Variants in SYMPK observed in about 807,000 individuals in gnomAD.
SYMPK encodes the protein symplekin.
SYMPK carries 49 observed loss-of-function variants against 136.4 expected under a neutral mutation model. The ratio of observed to expected loss-of-function variants is 0.36; its 90% confidence interval spans 0.29 to 0.46. SYMPK has a LOEUF of 0.46. SYMPK is among the 20% of genes least tolerant of loss of function. SYMPK has a pLI of 1.00. For synonymous variants in SYMPK, 766 were observed against 713.0 expected, an observed-to-expected ratio of 1.07 and a Z score of -1.19; for missense variants, 1,365 against 1,690.0, an observed-to-expected ratio of 0.81 and a Z score of 3.37.
At chr19:45,856,536 C>T (rs76793172) in intron 1 of SYMPK, among the ~76,000 whole-genome samples, 12,137 of 152,164 alleles carry the variant, frequency 0.08, 560 homozygotes, top group Non-Finnish European at 0.099. Flanking sequence ...AGTAACAGGG[C>T]TTACCTCCCA....
At position 45,815,501 on chromosome 19, in the gene SYMPK, C is replaced by T; in HGVS notation, c.*59G>A. The T allele has an allele frequency of 5.8e-6, 6 of 1,034,282 alleles. No individual in the cohort carries two copies. Among genetic ancestry groups the T allele is most frequent in the Non-Finnish European group, 8.0e-6 (6 of 752,188 alleles). The allele number at this position is 1,034,282 out of a possible 1,614,324, so 64.1% of individuals were successfully genotyped here. On this transcript the variant is annotated 3_prime_UTR_variant, in exon 27 of 27. Coordinates refer to ENST00000245934, the MANE Select transcript of SYMPK (RefSeq NM_004819.3). The stretch of plus-strand genomic sequence containing the variant: ...TAAGGCAAAGCACCCGCAGGTCAAG[C>T]CCCGCCCCGTCCCCCAGCCCCGAGT...
intron 10 of SYMPK, among the ~76,000 whole-genome samples, chr19:45,836,117 T>C (rs1257241347): frequency 6.6e-6 from 1 of 151,664 alleles, no homozygotes; most frequent in Non-Finnish European, 1.5e-5. Flanking sequence ...AATCTCACTC[T>C]GTCCCCCAGG....
At chr19:45,846,413 T>C (rs1343858888) in intron 7 of SYMPK, among the ~76,000 whole-genome samples, 5 of 152,208 alleles carry the variant, frequency 3.3e-5, no homozygotes, top group Non-Finnish European at 7.3e-5. Context: ...ATAGTTAATA[T>C]TTATGGAATG....
intron 3 of SYMPK, among the ~76,000 whole-genome samples, chr19:45,853,314 A>G (rs949355484): frequency 6.6e-6 from 1 of 152,110 alleles, no homozygotes; most frequent in Non-Finnish European, 1.5e-5. Context: ...CTGCCTTTGC[A>G]CACACTTCTG....
In SYMPK at chr19:45,830,207, G is replaced by A. The variant is rs1203721278; in HGVS notation, c.1599-3C>T. ...TGCGCCCACCAGCGCCTGCCAGCCT[G>A]TGTGGAAGAGCAGTGACAGAGATGC... On this transcript the variant is annotated splice_region_variant and splice_polypyrimidine_tract_variant and intron_variant, in intron 12 of 26. Transcript: ENST00000245934. 4 of 1,609,088 alleles carry A rather than the reference G, an allele frequency of 2.5e-6. No homozygotes were observed. Among genetic ancestry groups the A allele is most frequent in the Non-Finnish European group, 3.4e-6 (4 of 1,177,094 alleles).
intron 13 of SYMPK, among the ~76,000 whole-genome samples, chr19:45,829,757 C>T (rs917464281): frequency 5.3e-5 from 8 of 152,318 alleles, no homozygotes; most frequent in South Asian, 4.1e-4. Context: ...CGTTAACAAC[C>T]GTGAAGAACC....
intron 3 of SYMPK, 147 bp from the exon 4 acceptor site, chr19:45,852,682 A>G: frequency 1.0e-6 from 1 of 980,242 alleles, no homozygotes; most frequent in Non-Finnish European, 1.6e-6. Context: ...CTCCCTACCA[A>G]GGGTGCTATG....
At chr19:45,817,138 T>G in intron 23 of SYMPK, 164 bp from the exon 24 acceptor site, 1 of 665,072 alleles carries the variant, frequency 1.5e-6, no homozygotes. Flanking sequence ...GGCCTTTGTC[T>G]TCCCGATCCA....
rs1444571121 is a variant in SYMPK at position 45,838,450 on chromosome 19, C to T, written c.1242+11G>A. The T allele has an allele frequency of 3.1e-6, 5 of 1,610,530 alleles. No homozygotes were observed. The South Asian group carries it at 5.5e-5, about 18-fold the overall frequency. ...CTGCCCAGGGGGAAAACGCTCCCCACCCATCCTCACCAGATTAGCCACATT... is the reference window on the plus strand; with the variant it reads ...CTGCCCAGGGGGAAAACGCTCCCCATCCATCCTCACCAGATTAGCCACATT... On this transcript the variant is annotated intron_variant, in intron 10 of 26. Transcript: ENST00000245934.
rs568435242 is a variant in SYMPK at position 45,848,709 on chromosome 19, A to G, written c.426+41T>C. The G allele has an allele frequency of 1.5e-5, 24 of 1,611,356 alleles. No homozygotes were observed. In the Admixed American group the frequency reaches 1.5e-4, roughly 10 times the overall value. On this transcript the variant is annotated intron_variant, in intron 6 of 26. Transcript: ENST00000245934. The stretch of plus-strand genomic sequence containing the variant: ...CAACATATTAGTTTGTCAACGAGAC[A>G]TATCAGGCAGGATGGCCCTGGGTGG...
At chr19:45,818,241 AGACTTCTAAAGCCCT>A (rs941406360) in intron 22 of SYMPK, 95 bp from the exon 23 acceptor site, 23 of 1,295,814 alleles carry the variant, frequency 1.8e-5, no homozygotes, top group East Asian at 5.3e-5. Context: ...TGTGAGGGGA[AGACTTCTAAAGCCCT>A]GACTTCTAAA....
At chr19:45,828,722 G>A (rs1019214362) in intron 14 of SYMPK, 17 of 552,302 alleles carry the variant, frequency 3.1e-5, no homozygotes, top group Admixed American at 1.6e-4. Context: ...ACAAAGCCAC[G>A]CAGAGCAAGC....
At chr19:45,829,279 T>C (rs1399020865) in intron 13 of SYMPK, 74 bp from the exon 14 acceptor site, 1 of 1,302,938 alleles carries the variant, frequency 7.7e-7, no homozygotes, top group Non-Finnish European at 1.1e-6. Context: ...CCCTGCGACT[T>C]CTCCCACCCA....
chr19:45,857,409 CAAAAAAAAAAAA>C (rs1161033225), intron 1 of SYMPK, among the ~76,000 whole-genome samples: 3 of 43,444 alleles, frequency 6.9e-5, no homozygotes, highest in African/African-American at 9.0e-5. Context: ...GACTCTGTCT[CAAAAAAAAAAAA>C]AAAAAAAAAA....
chr19:45,858,640 C>T (rs563372520), intron 1 of SYMPK, among the ~76,000 whole-genome samples: 5 of 152,250 alleles, frequency 3.3e-5, no homozygotes, highest in Non-Finnish European at 5.9e-5. Flanking sequence ...CTCAGCCTCC[C>T]TAGTAGCTGG....
rs1443634228 is a variant in SYMPK at position 45,852,320 on chromosome 19, C to A, written c.291G>T (p.Glu97Asp). ...EVRKFVIGFI[E>D]EACKRDIELL... ...CGTGCCTCGCCCCATACCATGCCTC[C>A]TCGATGAAGCCGATGACAAATTTTC... Residue 97 changes from glutamate (E) to aspartate (D), a missense_variant, in exon 5 of 27, where the codon GAG (glutamate) becomes GAT (aspartate). Around this residue, in one of 11 missense-constraint regions of SYMPK, gnomAD observed 237 missense variants for 292.9 expected, o/e 0.81. Coordinates refer to ENST00000245934, the MANE Select transcript of SYMPK (RefSeq NM_004819.3). 6.2e-7 allele frequency: 1 copy of A among 1,614,258 alleles called. No homozygotes were observed. The highest frequency in any genetic ancestry group is 1.1e-5 in the South Asian group (1 of 91,090).
At position 45,835,178 on chromosome 19, in the gene SYMPK, C is replaced by T; in HGVS notation, c.1293G>A (p.Gln431=). The T allele has an allele frequency of 6.2e-7, 1 of 1,612,070 alleles. No homozygotes were observed. Among genetic ancestry groups the T allele is most frequent in the Non-Finnish European group, 8.5e-7 (1 of 1,178,988 alleles). ...YLPEAMPASF[Q]AIYTPVESAG... ...CTGACTCCACGGGGGTGTAGATGGCCTGGAAGGAGGCTGGCATGGCCTCGG... is the reference window on the plus strand; with the variant it reads ...CTGACTCCACGGGGGTGTAGATGGCTTGGAAGGAGGCTGGCATGGCCTCGG... The change falls in exon 11 of 27, where the codon CAG becomes CAA. Residue 431 remains glutamine (Q), a synonymous_variant. Transcript: ENST00000245934.
At chr19:45,840,339 A>G (rs1187954300) in intron 9 of SYMPK, among the ~76,000 whole-genome samples, 4 of 141,626 alleles carry the variant, frequency 2.8e-5, no homozygotes, top group Non-Finnish European at 6.1e-5. Context: ...AAAAAAAAAG[A>G]CAAATTTGGT....
chr19:45,852,722 G>A (rs1971726826), intron 3 of SYMPK, among the ~76,000 whole-genome samples, 187 bp from the exon 4 acceptor site: 1 of 152,090 alleles, frequency 6.6e-6, no homozygotes, highest in Non-Finnish European at 1.5e-5. Context: ...ACCTCAGTTT[G>A]CTCTTCTATA....
Sources: gnomAD v4.1 joint callset for allele counts (sites outside exome capture counted in the v4.1 genomes callset) on GRCh38, gnomAD v4.1.1 for gene constraint, gnomAD v4.1.1 regional missense constraint, MANE v1.5 for transcripts, NCBI Gene and HGNC (gene_info 2026-07-23, HGNC 2026-07-21) for gene names.